The following CDH19 variants were observed in gnomAD, a reference collection of about 807,000 sequenced individuals.
CDH19 encodes cadherin 19.
In CDH19, 67 loss-of-function variants were observed where a neutral mutation model predicts 64.2. The observed-to-expected ratio is 1.04, with a 90% CI of 0.86 to 1.28. The LOEUF (loss-of-function observed/expected upper bound fraction) is 1.28. Ranked by LOEUF, CDH19 falls within the 50% of genes most tolerant of loss-of-function variation. The probability of loss-of-function intolerance (pLI) is 0.00; values close to 1 mark genes in which losing one functional copy is unlikely to be tolerated. For missense variants in CDH19, 1,030 were observed against 929.0 expected, an observed-to-expected ratio of 1.11 and a Z score of -1.41; for synonymous variants, 346 against 319.3, an observed-to-expected ratio of 1.08 and a Z score of -0.89.
rs1397446764 is a variant in CDH19 at position 66,569,529 on chromosome 18, C to T, written c.196-819G>A. Among the ~76,000 whole-genome samples the T allele has an allele frequency of 3.3e-5, 5 of 151,694 alleles. No homozygotes were observed. In the East Asian group the frequency reaches 9.7e-4, roughly 29 times the overall value. On this transcript the variant is annotated intron_variant, in intron 2 of 11. Transcript: ENST00000262150. ...AAAACTTTCTTCTCAATATATTCTA[C>T]CTAATTCTCAAATACACACTTTCAG...
At chr18:66,579,790 G>C (rs1366700792) in intron 1 of CDH19, among the ~76,000 whole-genome samples, 2 of 151,988 alleles carry the variant, frequency 1.3e-5, no homozygotes, top group Non-Finnish European at 2.9e-5. Flanking sequence ...CTAATGTAGA[G>C]ATGAGCAATA....
chr18:66,521,916 CTGTTGTTGTTGTTGTTGT>C lies in CDH19; in HGVS notation c.1458+7911_1458+7928del, dbSNP rs201747306. ...TACAGGGTTTATGTAGTTACTTGTT[CTGTTGTTGTTGTTGTTGT>C]TGTTGTTGTTGTTGTTGTTGTTGTT... On this transcript the variant is annotated intron_variant, in intron 9 of 11. Coordinates refer to ENST00000262150, the MANE Select transcript of CDH19 (RefSeq NM_021153.4). Among the ~76,000 whole-genome samples, 105 of 111,512 alleles carry C rather than the reference CTGTTGTTGTTGTTGTTGT, an allele frequency of 9.4e-4. 1 individual carries two copies. The highest frequency in any genetic ancestry group is 1.1e-3 in the African/African-American group (31 of 27,972). The allele number at this position is 111,512 out of a possible 152,430, so 73.2% of individuals were successfully genotyped here. A position where few individuals can be genotyped will look rare whatever the true frequency, so the allele number is the denominator to read the frequency against.
chr18:66,515,715 T>C (rs142207631), intron 9 of CDH19, among the ~76,000 whole-genome samples: 3 of 152,042 alleles, frequency 2.0e-5, no homozygotes, highest in Non-Finnish European at 4.4e-5. Context: ...TCTCAATACG[T>C]ATTTTCTAAT....
At chr18:66,512,976 A>G (rs1985566837) in intron 9 of CDH19, among the ~76,000 whole-genome samples, 1 of 151,498 alleles carries the variant, frequency 6.6e-6, no homozygotes, top group Non-Finnish European at 1.5e-5. Context: ...TCCTATGTCT[A>G]TTATGTGTTC....
chr18:66,548,694 T>A (rs1341631388), intron 5 of CDH19, among the ~76,000 whole-genome samples: 1 of 152,098 alleles, frequency 6.6e-6, no homozygotes, highest in Non-Finnish European at 1.5e-5. Context: ...GGTCAAGTAG[T>A]GTGGATGTAA....
chr18:66,583,214 A>T (rs1273995478), intron 1 of CDH19, among the ~76,000 whole-genome samples: 2 of 152,152 alleles, frequency 1.3e-5, no homozygotes, highest in African/African-American at 2.4e-5. Context: ...AACATCAGAC[A>T]TATAAGCATT....
In CDH19 at chr18:66,533,213, T is replaced by TACACACACACACACACACACACAC. The variant is rs35376051; in HGVS notation, c.1336+1749_1336+1772dup. On this transcript the variant is annotated intron_variant, in intron 8 of 11. Transcript: ENST00000262150. Reference sequence around the variant, plus strand: ...AAAAATTAAAATTTCTAGGATTTATTACACACACACACACACACACACACA... The same window carrying TACACACACACACACACACACACAC: ...AAAAATTAAAATTTCTAGGATTTATTACACACACACACACACACACACACACACACACACACACACACACACACA... 7.4e-5 allele frequency among the ~76,000 whole-genome samples: 11 copies of TACACACACACACACACACACACAC among 149,056 alleles called. No individual in the cohort carries two copies. The South Asian group carries it at 2.1e-3, about 29-fold the overall frequency.
At chr18:66,599,960 AAC>A (rs1253616996) in intron 1 of CDH19, among the ~76,000 whole-genome samples, 3 of 151,966 alleles carry the variant, frequency 2.0e-5, no homozygotes, top group African/African-American at 7.2e-5. Context: ...AAGGAAGGAA[AAC>A]AGTCATGAAC....
At chr18:66,557,721 T>G (rs974993089) in intron 3 of CDH19, among the ~76,000 whole-genome samples, 3 of 151,936 alleles carry the variant, frequency 2.0e-5, no homozygotes, top group African/African-American at 7.2e-5. Flanking sequence ...CTTACATTTT[T>G]TGTGTGTGAG....
intron 4 of CDH19, among the ~76,000 whole-genome samples, chr18:66,553,919 G>A: frequency 1.0e-5 from 1 of 98,012 alleles, no homozygotes; most frequent in South Asian, 3.3e-4. Flanking sequence ...ATTATTTTTA[G>A]GTGAATGTCT....
At chr18:66,518,875 T>A (rs1484777801) in intron 9 of CDH19, among the ~76,000 whole-genome samples, 4 of 150,260 alleles carry the variant, frequency 2.7e-5, no homozygotes, top group South Asian at 2.1e-4. Flanking sequence ...TGACTTTTTT[T>A]AAAAACCTGC....
rs145009709 is a variant in CDH19, at chr18:66,595,445, G to GA, written c.-113+8508dup. On this transcript the variant is annotated intron_variant, in intron 1 of 11. Coordinates refer to ENST00000262150, the MANE Select transcript of CDH19 (RefSeq NM_021153.4). ...AGTATAGTACTAGAAGACTAATAAA[G>GA]AAAAAAAAAAGGATCCAAATAAACA... 3.2e-4 allele frequency among the ~76,000 whole-genome samples: 15 copies of GA among 46,276 alleles called. No homozygotes were observed. The South Asian group carries it at 4.8e-3, about 15-fold the overall frequency. 30.4% of individuals were successfully genotyped at this position (46,276 alleles called of 152,430 possible).
intron 8 of CDH19, chr18:66,532,489 T>TACACACAC (rs34280650): frequency 0.019 from 2,831 of 146,674 alleles, 77 homozygotes; most frequent in African/African-American, 0.062. Context: ...AGAGCATTCA[T>TACACACAC]ACACACACAC....
At chr18:66,587,545 A>G (rs1447527677) in intron 1 of CDH19, among the ~76,000 whole-genome samples, 1 of 152,208 alleles carries the variant, frequency 6.6e-6, no homozygotes, top group Non-Finnish European at 1.5e-5. Flanking sequence ...ATTGTTTACC[A>G]ATATGTCTCT....
intron 3 of CDH19, among the ~76,000 whole-genome samples, chr18:66,566,042 T>A (rs1419529129): frequency 5.3e-5 from 8 of 152,090 alleles, no homozygotes. Flanking sequence ...ACATCTACAG[T>A]GGGGCTGCAC....
Position 66,503,950 on chromosome 18 carries a change from TTATCTC to T in CDH19, c.*856_*861del, listed in dbSNP as rs879224971. 4.6e-5 allele frequency: 7 copies of T among 151,974 alleles called. No individual in the cohort carries two copies. Among genetic ancestry groups the T allele is most frequent in the Non-Finnish European group, 8.8e-5 (6 of 67,918 alleles). The allele number at this position is 151,974 out of a possible 1,614,324, so 9.4% of individuals were successfully genotyped here. A position where few individuals can be genotyped will look rare whatever the true frequency, so the allele number is the denominator to read the frequency against. ...ATCCTAGGTGTTAAAGTTTTAAAGT[TTATCTC>T]TATATAGTATCAGGAACTTAACCAC... On this transcript the variant is annotated 3_prime_UTR_variant, in exon 12 of 12. Coordinates refer to ENST00000262150, the MANE Select transcript of CDH19 (RefSeq NM_021153.4).
Position 66,503,879 on chromosome 18 carries a change from C to T in CDH19, c.*933G>A, listed in dbSNP as rs552470524. ...GGCATCTTAGTCAGAAATCTGCTTT[C>T]CATATAAGGTAAATGTTTTTAAACA... On this transcript the variant is annotated 3_prime_UTR_variant, in exon 12 of 12. Coordinates refer to ENST00000262150, the MANE Select transcript of CDH19 (RefSeq NM_021153.4). The T allele has an allele frequency of 5.3e-5, 8 of 151,932 alleles. No homozygotes were observed. In the South Asian group the frequency reaches 1.7e-3, roughly 32 times the overall value. The allele number at this position is 151,932 out of a possible 1,614,324, so 9.4% of individuals were successfully genotyped here.
intron 1 of CDH19, among the ~76,000 whole-genome samples, chr18:66,593,452 G>T (rs535271090): frequency 6.6e-6 from 1 of 151,980 alleles, no homozygotes; most frequent in African/African-American, 2.4e-5. Flanking sequence ...TGACATATAA[G>T]TTCTCTTAAG....
chr18:66,526,660 A>G lies in CDH19; in HGVS notation c.1458+3185T>C, dbSNP rs148477822. Among the ~76,000 whole-genome samples, 14 of 152,202 alleles carry G rather than the reference A, an allele frequency of 9.2e-5. No individual in the cohort carries two copies. The East Asian group carries it at 9.7e-4, about 10-fold the overall frequency. ...TTTAAATGCCTTGAATATTATCAAG[A>G]TACTTGTCTTGGACATTTTCATGAT... On this transcript the variant is annotated intron_variant, in intron 9 of 11. Coordinates refer to ENST00000262150, the MANE Select transcript of CDH19 (RefSeq NM_021153.4).
Sources: gnomAD v4.1 joint callset for allele counts (sites outside exome capture counted in the v4.1 genomes callset) on GRCh38, gnomAD v4.1.1 for gene constraint, MANE v1.5 for transcripts, NCBI Gene and HGNC (gene_info 2026-07-23, HGNC 2026-07-21) for gene names.